PHACTR1: variants seen among roughly 807,000 people sequenced by gnomAD.
PHACTR1 encodes the protein RPEL repeat containing 1.
PHACTR1 carries 16 observed loss-of-function variants against 69.2 expected under a neutral mutation model. That is an observed-to-expected ratio of 0.23 (90% CI 0.16 to 0.35). PHACTR1 has a LOEUF of 0.35. Ranked by LOEUF, PHACTR1 falls within the 10% of genes least tolerant of loss-of-function variation. PHACTR1 has a pLI of 1.00. For missense variants in PHACTR1, 510 were observed against 734.7 expected (o/e 0.69, Z 3.54); for synonymous variants, 312 against 284.5 (o/e 1.10, Z -0.97).
At chr6:12,818,659 AT>A (rs1775862690) in intron 4 of PHACTR1, among the ~76,000 whole-genome samples, 2 of 152,170 alleles carry the variant, frequency 1.3e-5, no homozygotes, top group Non-Finnish European at 2.9e-5. Context: ...TCTTTAGTAT[AT>A]TTTCTAATGA....
At chr6:12,843,252 C>T (rs759395655) in intron 4 of PHACTR1, among the ~76,000 whole-genome samples, 3 of 152,120 alleles carry the variant, frequency 2.0e-5, no homozygotes, top group South Asian at 4.2e-4. Flanking sequence ...ACTTTAGCTC[C>T]GGAGGTTTGG....
intron 5 of PHACTR1, among the ~76,000 whole-genome samples, chr6:13,149,474 A>G (rs756025601): frequency 3.1e-4 from 47 of 152,330 alleles, no homozygotes; most frequent in Non-Finnish European, 6.0e-4. Flanking sequence ...TGACTTGGAT[A>G]TAATTGCAAA....
intron 4 of PHACTR1, among the ~76,000 whole-genome samples, chr6:12,916,013 G>T (rs1187349672): frequency 6.6e-6 from 1 of 152,114 alleles, no homozygotes; most frequent in Non-Finnish European, 1.5e-5. Context: ...TTAATACCAG[G>T]CAAAACTGTG....
At chr6:12,865,745 C>T (rs1362972577) in intron 4 of PHACTR1, among the ~76,000 whole-genome samples, 1 of 152,204 alleles carries the variant, frequency 6.6e-6, no homozygotes. Flanking sequence ...CACTTCTAGA[C>T]AGCTTGCTAT....
intron 4 of PHACTR1, among the ~76,000 whole-genome samples, chr6:12,915,506 C>CAAAAAAA (rs1225757251): frequency 4.0e-5 from 2 of 50,240 alleles, no homozygotes; most frequent in Non-Finnish European, 4.1e-5. Flanking sequence ...AACTCTCTCT[C>CAAAAAAA]AAAAAAAAAA....
intron 3 of PHACTR1, among the ~76,000 whole-genome samples, chr6:12,747,770 G>A (rs760700024): frequency 1.3e-5 from 2 of 152,122 alleles, no homozygotes; most frequent in African/African-American, 2.4e-5. Context: ...TTTGTGGTGC[G>A]TCACTTAAGC....
chr6:12,855,222 CG>C (rs1355484101), intron 4 of PHACTR1, among the ~76,000 whole-genome samples: 1 of 152,074 alleles, frequency 6.6e-6, no homozygotes, highest in Non-Finnish European at 1.5e-5. Context: ...ACCAATTGGC[CG>C]GGTGCCATAG....
At chr6:12,947,106 C>T (rs1054749509) in intron 4 of PHACTR1, among the ~76,000 whole-genome samples, 1 of 150,798 alleles carries the variant, frequency 6.6e-6, no homozygotes, top group African/African-American at 2.4e-5. Flanking sequence ...GTATGCCCGG[C>T]CGATGGTGCT....
At chr6:13,168,706 T>G in intron 6 of PHACTR1, among the ~76,000 whole-genome samples, 1 of 151,400 alleles carries the variant, frequency 6.6e-6, no homozygotes, top group African/African-American at 2.4e-5. Flanking sequence ...CCCTGCGGGG[T>G]GAGTAAGAAT....
chr6:13,177,537 A>G (rs138809108), intron 6 of PHACTR1, among the ~76,000 whole-genome samples: 11 of 152,240 alleles, frequency 7.2e-5, no homozygotes, highest in African/African-American at 2.4e-4. Context: ...AGCCTGAAAG[A>G]ATTCCTGTCA....
chr6:13,006,438 G>T lies in PHACTR1; in HGVS notation c.251-46927G>T, dbSNP rs1446230603. 2.6e-5 allele frequency among the ~76,000 whole-genome samples: 4 copies of T among 152,118 alleles called. 1 individual carries two copies. The highest frequency in any genetic ancestry group is 2.6e-4 in the Admixed American group (4 of 15,274). ...TCATTTTGACTCAGAGTTCTACTTG[G>T]CCAAATGCTAATTGTGTGACCTGGG... On this transcript the variant is annotated intron_variant, in intron 4 of 14. Transcript: ENST00000332995.
chr6:12,861,028 G>C (rs550097235), intron 4 of PHACTR1, among the ~76,000 whole-genome samples: 1 of 152,170 alleles, frequency 6.6e-6, no homozygotes, highest in African/African-American at 2.4e-5. Flanking sequence ...CATCATAGTG[G>C]CCATGCCTTT....
chr6:13,189,786 C>T (rs908631950), intron 7 of PHACTR1, among the ~76,000 whole-genome samples: 1 of 152,128 alleles, frequency 6.6e-6, no homozygotes, highest in African/African-American at 2.4e-5. Flanking sequence ...AAATCGGCCC[C>T]TTTGTTTTTA....
intron 7 of PHACTR1, among the ~76,000 whole-genome samples, chr6:13,200,705 G>C (rs1440016866): frequency 6.6e-6 from 1 of 151,810 alleles, no homozygotes; most frequent in East Asian, 1.9e-4. Flanking sequence ...AGGCCGGGGT[G>C]GGTGGATCAC....
At chr6:12,953,151 C>T (rs1432555335) in intron 4 of PHACTR1, among the ~76,000 whole-genome samples, 1 of 151,958 alleles carries the variant, frequency 6.6e-6, no homozygotes, top group Admixed American at 6.6e-5. Flanking sequence ...GGTGAAACCC[C>T]GTCTCTACAA....
At chr6:12,928,960 C>G (rs372857318) in intron 4 of PHACTR1, among the ~76,000 whole-genome samples, 1 of 152,168 alleles carries the variant, frequency 6.6e-6, no homozygotes, top group Non-Finnish European at 1.5e-5. Context: ...AGTGTCGGAG[C>G]AAGGCATTGG....
chr6:12,804,279 G>T (rs1344174980), intron 4 of PHACTR1, among the ~76,000 whole-genome samples: 1 of 152,170 alleles, frequency 6.6e-6, no homozygotes, highest in Non-Finnish European at 1.5e-5. Context: ...CTCTTATTCA[G>T]TGACTTGTGG....
intron 5 of PHACTR1, among the ~76,000 whole-genome samples, chr6:13,088,961 C>T (rs1273295932): frequency 6.6e-6 from 1 of 152,162 alleles, no homozygotes; most frequent in East Asian, 1.9e-4. Context: ...ATGGATTATA[C>T]AAAACTTCAA....
intron 4 of PHACTR1, among the ~76,000 whole-genome samples, chr6:12,970,565 C>A (rs889893149): frequency 6.6e-6 from 1 of 152,196 alleles, no homozygotes. Context: ...TCGAGATCAT[C>A]CTGGCCAACA....
Sources: allele counts gnomAD v4.1 joint callset (sites outside exome capture counted in the v4.1 genomes callset), GRCh38; gene constraint gnomAD v4.1.1; transcripts MANE v1.5; gene names NCBI Gene and HGNC (gene_info 2026-07-23, HGNC 2026-07-21).